Variants in EEF2KMT observed in about 807,000 individuals in gnomAD.
The protein encoded by EEF2KMT is eukaryotic elongation factor 2 lysine methyltransferase, also known as protein-lysine N-methyltransferase EEF2KMT.
In EEF2KMT, 30 loss-of-function variants were observed where a neutral mutation model predicts 35.1. The observed-to-expected ratio is 0.85, with a 90% CI of 0.64 to 1.16. The LOEUF (loss-of-function observed/expected upper bound fraction) is 1.16, where lower values mean the gene tolerates loss of function less well. Among genes scored for constraint, EEF2KMT ranks in the 50% most tolerant of loss-of-function variants. The pLI is 0.00. For synonymous variants in EEF2KMT, 190 were observed against 187.7 expected (o/e 1.01, Z -0.10); for missense variants, 499 against 438.2 (o/e 1.14, Z -1.24).
intron 7 of EEF2KMT, among the ~76,000 whole-genome samples, chr16:5,088,661 G>T (rs369908795): frequency 1.3e-5 from 2 of 152,148 alleles, no homozygotes; most frequent in East Asian, 3.9e-4. Context: ...TATGGGGCCA[G>T]TTCCCCTTCT....
intron 1 of EEF2KMT, 28 bp downstream of exon 1, chr16:5,097,616 G>C: frequency 3.9e-6 from 6 of 1,540,592 alleles, no homozygotes; most frequent in Non-Finnish European, 5.2e-6. Flanking sequence ...CGAGCCCCGC[G>C]GGCCTCTCCG....
chr16:5,097,441 C>T (rs1424095251), intron 1 of EEF2KMT: 13 of 1,411,714 alleles, frequency 9.2e-6, no homozygotes, highest in South Asian at 1.4e-5. Context: ...CCCCCAGCTT[C>T]CCCCGCCAGC....
chr16:5,097,661 G>C lies in EEF2KMT; in HGVS notation c.79C>G (p.Arg27Gly), dbSNP rs568124050. 1 of 1,574,298 alleles carries C rather than the reference G, an allele frequency of 6.4e-7. No individual in the cohort carries two copies. The highest frequency in any genetic ancestry group is 1.8e-5 in the Admixed American group (1 of 55,394). The change falls in exon 1 of 8, where the codon CGC becomes GGC. Residue 27 changes from arginine to glycine, a missense_variant. Arg to Gly is a moderately radical substitution (Grantham distance 125). Coordinates refer to ENST00000427587, the MANE Select transcript of EEF2KMT (RefSeq NM_201400.4). ...CCGCCCACCTGCCAGGGGAAGGAGCGCAGTGTGCGTGCCGCCAGGAAGCGG... is the reference window on the plus strand; with the variant it reads ...CCGCCCACCTGCCAGGGGAAGGAGCCCAGTGTGCGTGCCGCCAGGAAGCGG... ...ERRFLAARTL[R>G]SFPWQSLEAK...
rs999838996 is a variant in EEF2KMT at position 5,090,818 on chromosome 16, A to G, written c.343-253T>C. Among the ~76,000 whole-genome samples, 4 of 152,106 alleles carry G rather than the reference A, an allele frequency of 2.6e-5. No individual in the cohort carries two copies. Among genetic ancestry groups the G allele is most frequent in the Non-Finnish European group, 5.9e-5 (4 of 68,014 alleles). ...TTCCTGAGACAACGGAATTCTGGCG[A>G]TGGAACACATGTCAGTGGTGGCCAG... On this transcript the variant is annotated intron_variant, in intron 4 of 7. Coordinates refer to ENST00000427587, the MANE Select transcript of EEF2KMT (RefSeq NM_201400.4). This position sits in a 1 kb window ranked among gnomAD's most constrained non-coding sequence, Gnocchi z 4.1.
At chr16:5,086,133 C>T (rs1337794919) in intron 7 of EEF2KMT, among the ~76,000 whole-genome samples, 2 of 152,098 alleles carry the variant, frequency 1.3e-5, no homozygotes, top group Non-Finnish European at 2.9e-5. Context: ...GTCAGGAGTT[C>T]GAGACCAGCC....
Position 5,090,641 on chromosome 16 carries a change from C to A in EEF2KMT, c.343-76G>T. 1 of 1,586,476 alleles carries A rather than the reference C, an allele frequency of 6.3e-7. No homozygotes were observed. Among genetic ancestry groups the A allele is most frequent in the South Asian group, 1.1e-5 (1 of 89,372 alleles). On this transcript the variant is annotated intron_variant, in intron 4 of 7. Coordinates refer to ENST00000427587, the MANE Select transcript of EEF2KMT (RefSeq NM_201400.4). The surrounding 1 kb of genome is among the most constrained non-coding windows in gnomAD (Gnocchi z 4.1). ...GCTTAGAAGACAAGTAGCCCCACCACATGGCTGAATAAACCATGACAGGAC... is the reference window on the plus strand; with the variant it reads ...GCTTAGAAGACAAGTAGCCCCACCAAATGGCTGAATAAACCATGACAGGAC...
intron 1 of EEF2KMT, chr16:5,097,267 A>G: frequency 1.5e-6 from 2 of 1,315,580 alleles, no homozygotes; most frequent in Non-Finnish European, 2.0e-6. Flanking sequence ...CGCGCTCAGG[A>G]GGACGTGGTT....
Position 5,093,584 on chromosome 16 carries a change from G to T in EEF2KMT, c.160-20C>A, listed in dbSNP as rs756116039. The T allele has an allele frequency of 3.7e-6, 6 of 1,611,842 alleles. No homozygotes were observed. The East Asian group carries it at 1.1e-4, about 30-fold the overall frequency. On this transcript the variant is annotated intron_variant, in intron 2 of 7. Transcript: ENST00000427587. ...CACAGTCTACGGCAAAGGACAGAAC[G>T]TTGGTTGCTCGAGAGCCCGTCTTAA... is the stretch of plus-strand genomic sequence containing the variant.
chr16:5,095,945 C>T (rs1395103751), intron 1 of EEF2KMT, among the ~76,000 whole-genome samples: 10 of 151,994 alleles, frequency 6.6e-5, no homozygotes, highest in African/African-American at 2.2e-4. Flanking sequence ...CAGACTGTCT[C>T]GGCTGGTATG....
chr16:5,088,211 G>A (rs1957253546), intron 7 of EEF2KMT, among the ~76,000 whole-genome samples: 2 of 152,146 alleles, frequency 1.3e-5, no homozygotes, highest in Admixed American at 1.3e-4. Context: ...TAAAGTGCTG[G>A]GATGACAGGC....
chr16:5,097,666 G>A lies in EEF2KMT; in HGVS notation c.74C>T (p.Thr25Ile). Residue 25 changes from threonine to isoleucine, a missense_variant, in exon 1 of 8, where the codon ACA becomes ATA. Coordinates refer to ENST00000427587, the MANE Select transcript of EEF2KMT (RefSeq NM_201400.4). ...CACCTGCCAGGGGAAGGAGCGCAGT[G>A]TGCGTGCCGCCAGGAAGCGGCGCTC... ...SFERRFLAAR[T>I]LRSFPWQSLE... The A allele has an allele frequency of 1.3e-6, 2 of 1,576,384 alleles. No individual in the cohort carries two copies. Among genetic ancestry groups the A allele is most frequent in the Non-Finnish European group, 1.7e-6 (2 of 1,167,124 alleles).
At chr16:5,086,290 G>A (rs1395912005) in intron 7 of EEF2KMT, among the ~76,000 whole-genome samples, 2 of 147,386 alleles carry the variant, frequency 1.4e-5, no homozygotes, top group Non-Finnish European at 3.0e-5. Context: ...AGCTGAGATT[G>A]TGCCACTGCA....
intron 7 of EEF2KMT, 51 bp downstream of exon 7, chr16:5,089,056 T>C (rs373056714): frequency 8.8e-5 from 141 of 1,609,916 alleles, no homozygotes; most frequent in East Asian, 3.1e-4. Context: ...ACTGGCGTCC[T>C]GCAGGGACAG....
intron 3 of EEF2KMT, 142 bp downstream of exon 3, chr16:5,093,342 A>T: frequency 7.7e-7 from 1 of 1,294,050 alleles, no homozygotes; most frequent in South Asian, 1.3e-5. Flanking sequence ...CATGGGTCAC[A>T]TGTGGCTGCA....
At chr16:5,094,296 C>CT (rs1386776697) in intron 2 of EEF2KMT, among the ~76,000 whole-genome samples, 6 of 152,126 alleles carry the variant, frequency 3.9e-5, no homozygotes, top group Non-Finnish European at 8.8e-5. Context: ...AGAGTCTCGC[C>CT]CTGTTGCCCA....
chr16:5,085,826 A>T (rs1957143173), intron 7 of EEF2KMT, 94 bp from the exon 8 acceptor site: 2 of 985,852 alleles, frequency 2.0e-6, no homozygotes, highest in African/African-American at 3.2e-5. Flanking sequence ...CTGGCGGGGT[A>T]GGGGGGTGTC....
chr16:5,094,152 G>A (rs995059030), intron 2 of EEF2KMT, among the ~76,000 whole-genome samples: 3 of 152,258 alleles, frequency 2.0e-5, no homozygotes, highest in Non-Finnish European at 4.4e-5. Context: ...ACAGGAGCCT[G>A]GAGGGAGAGG....
In EEF2KMT at chr16:5,093,548, A is replaced by G; in HGVS notation, c.176T>C (p.Val59Ala). The change falls in exon 3 of 8, where the codon GTG (valine) becomes GCG (alanine). Residue 59 changes from valine (V) to alanine (A), a missense_variant. Physicochemically the swap from Val to Ala is moderately conservative, Grantham distance 64. Coordinates refer to ENST00000427587, the MANE Select transcript of EEF2KMT (RefSeq NM_201400.4). Reference sequence around the variant, plus strand: ...GACGGACGGCGGGTGCTTCACACACACAGGATGCTTCACAGTCTACGGCAA... The same window carrying G: ...GACGGACGGCGGGTGCTTCACACACGCAGGATGCTTCACAGTCTACGGCAA... ...DILHKTVKHPVCVKHPPSVKY... is the reference protein window; with the variant it reads ...DILHKTVKHPACVKHPPSVKY... 1 of 1,612,026 alleles carries G rather than the reference A, an allele frequency of 6.2e-7. No individual in the cohort carries two copies. The highest frequency in any genetic ancestry group is 8.5e-7 in the Non-Finnish European group (1 of 1,179,858).
At chr16:5,093,125 C>T (rs7201833) in intron 3 of EEF2KMT, among the ~76,000 whole-genome samples, 30,019 of 152,168 alleles carry the variant, frequency 0.2, 3,123 homozygotes, top group African/African-American at 0.25. Context: ...CAGAGACGGA[C>T]AAGAGCAGGA....
Sources: allele counts gnomAD v4.1 joint callset (sites outside exome capture counted in the v4.1 genomes callset), GRCh38; gene constraint gnomAD v4.1.1; non-coding constraint Gnocchi (gnomAD v3.1); transcripts MANE v1.5; gene names NCBI Gene and HGNC (gene_info 2026-07-23, HGNC 2026-07-21).